The following RAP1A variants were observed in gnomAD, a reference collection of about 807,000 sequenced individuals.
RAP1A encodes the protein ras-related protein Rap-1A.
A neutral mutation model predicts 26.4 loss-of-function variants in RAP1A; 6 were observed. That is an observed-to-expected ratio of 0.23 (90% confidence interval 0.12 to 0.45). The LOEUF (loss-of-function observed/expected upper bound fraction) is 0.45, where lower values mean the gene tolerates loss of function less well. Among genes scored for constraint, RAP1A ranks in the 20% least tolerant of loss-of-function variants. The pLI, the probability that RAP1A is intolerant of heterozygous loss-of-function variation, is 0.99. For synonymous variants in RAP1A, 73 were observed against 79.4 expected, an observed-to-expected ratio of 0.92 and a Z score of 0.43; for missense variants, 121 against 217.2, an observed-to-expected ratio of 0.56 and a Z score of 2.78.
chr1:111,647,646 T>C (rs907837725), intron 1 of RAP1A, among the ~76,000 whole-genome samples: 4 of 152,208 alleles, frequency 2.6e-5, no homozygotes, highest in Non-Finnish European at 5.9e-5. Context: ...CAGATTGATA[T>C]GGCTAATGTT....
intron 1 of RAP1A, among the ~76,000 whole-genome samples, chr1:111,653,237 T>G (rs1660331896): frequency 6.6e-6 from 1 of 152,124 alleles, no homozygotes; most frequent in Admixed American, 6.5e-5. Context: ...GATTAGTGGT[T>G]GCCAGAGACT....
intron 1 of RAP1A, among the ~76,000 whole-genome samples, chr1:111,634,090 G>A (rs1353378386): frequency 6.6e-6 from 1 of 152,192 alleles, no homozygotes; most frequent in East Asian, 1.9e-4. Flanking sequence ...CACATGTTCA[G>A]TGTCCTCTGT....
At chr1:111,618,619 T>G (rs1659064870), upstream of RAP1A, among the ~76,000 whole-genome samples, 1 of 152,206 alleles carries the variant, frequency 6.6e-6, no homozygotes, top group African/African-American at 2.4e-5. Context: ...TCCATTTGGA[T>G]GTATAACAGA....
chr1:111,619,677 C>T (rs1659103132), upstream of RAP1A: 2 of 391,654 alleles, frequency 5.1e-6, no homozygotes, highest in Middle Eastern at 6.3e-4. Flanking sequence ...GACTCCGGAA[C>T]GCCGTGGGGA....
intron 1 of RAP1A, among the ~76,000 whole-genome samples, chr1:111,634,630 T>C (rs995887743): frequency 7.9e-5 from 12 of 151,196 alleles, no homozygotes; most frequent in Non-Finnish European, 1.5e-4. Flanking sequence ...TGTATGTATT[T>C]ATTTATTTAT....
chr1:111,576,962 C>T (rs1405799233), intron 1 of RAP1A, among the ~76,000 whole-genome samples: 1 of 152,218 alleles, frequency 6.6e-6, no homozygotes, highest in Non-Finnish European at 1.5e-5. Flanking sequence ...TGGTCCCTTC[C>T]AGGTACCTGA....
intron 1 of RAP1A, among the ~76,000 whole-genome samples, chr1:111,659,790 G>T (rs1660577187): frequency 6.6e-6 from 1 of 150,912 alleles, no homozygotes; most frequent in African/African-American, 2.4e-5. Flanking sequence ...TTTACTAGTT[G>T]CCCTTGAATT....
Position 111,551,183 on chromosome 1 carries a change from G to T in RAP1A, c.-28+8674G>T, listed in dbSNP as rs186330447. On this transcript the variant is annotated intron_variant, in intron 1 of 7. Coordinates refer to the RAP1A transcript ENST00000356415. ...ATATAGTTGGATCATGTTTTTTTTTGAAATTCATTCTTCTAACCTCTGCCT... is the reference window on the plus strand; with the variant it reads ...ATATAGTTGGATCATGTTTTTTTTTTAAATTCATTCTTCTAACCTCTGCCT... 1.8e-3 allele frequency among the ~76,000 whole-genome samples: 273 copies of T among 151,052 alleles called. 2 individuals are homozygous for T. The highest frequency in any genetic ancestry group is 6.5e-3 in the African/African-American group (267 of 41,258).
chr1:111,545,607 C>T (rs1657007191), intron 1 of RAP1A, among the ~76,000 whole-genome samples: 1 of 152,092 alleles, frequency 6.6e-6, no homozygotes. Context: ...CCCTTTGGTG[C>T]ACTAAAGTTT....
chr1:111,674,890 C>A (rs1422998354), intron 1 of RAP1A, among the ~76,000 whole-genome samples: 2 of 152,154 alleles, frequency 1.3e-5, no homozygotes, highest in Non-Finnish European at 2.9e-5. Context: ...TGCCTCTAGT[C>A]TCTTCTTTCT....
At chr1:111,570,648 G>A (rs1446566225) in intron 1 of RAP1A, among the ~76,000 whole-genome samples, 1 of 152,104 alleles carries the variant, frequency 6.6e-6, no homozygotes, top group Non-Finnish European at 1.5e-5. Flanking sequence ...GAAGTTCAAG[G>A]GCATGGCCCT....
At chr1:111,649,059 A>G in intron 1 of RAP1A, 1 of 616,734 alleles carries the variant, frequency 1.6e-6, no homozygotes, top group South Asian at 1.4e-5. Context: ...AGACTGGCAC[A>G]TGGCCAGCTC....
chr1:111,629,460 G>T (rs562545449), intron 1 of RAP1A, among the ~76,000 whole-genome samples: 2 of 152,028 alleles, frequency 1.3e-5, no homozygotes, highest in Non-Finnish European at 2.9e-5. Flanking sequence ...TGTCTGCTCG[G>T]TATCTTCCAA....
At chr1:111,644,878 A>G (rs1173627581) in intron 1 of RAP1A, among the ~76,000 whole-genome samples, 1 of 152,158 alleles carries the variant, frequency 6.6e-6, no homozygotes, top group African/African-American at 2.4e-5. Flanking sequence ...CTTATGCTTT[A>G]AAAAAGATTT....
intron 1 of RAP1A, among the ~76,000 whole-genome samples, chr1:111,690,722 C>T (rs498787): frequency 0.41 from 62,907 of 152,052 alleles, 13,245 homozygotes; most frequent in African/African-American, 0.49. Context: ...ATCATGGAGA[C>T]AAAAAATAAA....
chr1:111,642,576 T>C (rs2485659), intron 1 of RAP1A, among the ~76,000 whole-genome samples: 133,445 of 151,278 alleles, frequency 0.88, 59,196 homozygotes, highest in African/African-American at 0.97. Context: ...CAAGCTCCGC[T>C]TCCTAGGTTC....
At chr1:111,599,407 G>A (rs755189251) in intron 1 of RAP1A, among the ~76,000 whole-genome samples, 19 of 152,052 alleles carry the variant, frequency 1.2e-4, no homozygotes, top group Non-Finnish European at 2.1e-4. Context: ...GAGTTTCACC[G>A]TGTTAGCCAG....
At chr1:111,694,384 A>C (rs1661766641) in intron 2 of RAP1A, among the ~76,000 whole-genome samples, 1 of 152,202 alleles carries the variant, frequency 6.6e-6, no homozygotes, top group South Asian at 2.1e-4. Flanking sequence ...TAGTATATCA[A>C]ATATTCCTCT....
intron 1 of RAP1A, among the ~76,000 whole-genome samples, chr1:111,674,803 T>C (rs1399342909): frequency 6.6e-6 from 1 of 152,194 alleles, no homozygotes; most frequent in African/African-American, 2.4e-5. Context: ...ATTGCCCCTC[T>C]TCAGCCCTAT....
Sources: allele counts gnomAD v4.1 joint callset (sites outside exome capture counted in the v4.1 genomes callset), GRCh38; gene constraint gnomAD v4.1.1; transcripts MANE v1.5; gene names NCBI Gene and HGNC (gene_info 2026-07-23, HGNC 2026-07-21).